BBS9: variants seen among roughly 807,000 people sequenced by gnomAD.
BBS9 encodes the protein Bardet-Biedl syndrome 9.
BBS9 carries 89 observed loss-of-function variants against 117.7 expected under a neutral mutation model. The observed-to-expected ratio is 0.76, with a 90% CI of 0.64 to 0.90. The LOEUF is 0.90. Ranked by LOEUF, BBS9 falls within the 40% of genes least tolerant of loss-of-function variation. The pLI is 0.00. For missense variants in BBS9, 982 were observed against 1,042.2 expected (o/e 0.94, Z 0.80); for synonymous variants, 379 against 370.9 (o/e 1.02, Z -0.25).
At chr7:33,536,698 T>TTCCCCCCGCCCCCCGCCTC (rs1563323435) in intron 21 of BBS9, among the ~76,000 whole-genome samples, 1 of 40,690 alleles carries the variant, frequency 2.5e-5, no homozygotes, top group Non-Finnish European at 5.0e-5. Context: ...GCCCCCCGCC[T>TTCCCCCCGCCCCCCGCCTC]CCCCCCACCC....
At chr7:33,254,659 T>C (rs6973552) in intron 5 of BBS9, among the ~76,000 whole-genome samples, 17,253 of 152,184 alleles carry the variant, frequency 0.11, 1,151 homozygotes, top group African/African-American at 0.18. Flanking sequence ...AATATTTCCT[T>C]GCTTTCCCCA....
At chr7:33,271,063 T>G (rs887159683) in intron 7 of BBS9, among the ~76,000 whole-genome samples, 3 of 152,188 alleles carry the variant, frequency 2.0e-5, no homozygotes, top group African/African-American at 4.8e-5. Context: ...GTATTCAATA[T>G]TCATAAAGAA....
intron 19 of BBS9, among the ~76,000 whole-genome samples, chr7:33,471,689 C>T (rs1009326176): frequency 3.4e-4 from 52 of 152,320 alleles, no homozygotes; most frequent in African/African-American, 1.2e-3. Flanking sequence ...CCAACAGCCA[C>T]GCTGGAGACT....
chr7:33,612,763 G>T (rs1562531264), intron 21 of BBS9, among the ~76,000 whole-genome samples: 1 of 151,918 alleles, frequency 6.6e-6, no homozygotes, highest in Admixed American at 6.6e-5. Flanking sequence ...ACTCATCTCT[G>T]TCTGGTCAGG....
chr7:33,488,787 G>T (rs1843464452), intron 19 of BBS9, among the ~76,000 whole-genome samples: 1 of 152,062 alleles, frequency 6.6e-6, no homozygotes, highest in African/African-American at 2.4e-5. Flanking sequence ...TTCTGATTCT[G>T]TGATTGCAAA....
chr7:33,346,753 A>T (rs575711422), intron 12 of BBS9, among the ~76,000 whole-genome samples: 17 of 152,336 alleles, frequency 1.1e-4, no homozygotes, highest in African/African-American at 3.8e-4. Flanking sequence ...GTTACAATGT[A>T]AAATTCTGTG....
At chr7:33,530,828 TG>T (rs1450703693) in intron 20 of BBS9, among the ~76,000 whole-genome samples, 1 of 152,186 alleles carries the variant, frequency 6.6e-6, no homozygotes, top group African/African-American at 2.4e-5. Context: ...ACTTGCCTAG[TG>T]ACACCTACAG....
At chr7:33,255,215 C>A (rs1251785377) in intron 5 of BBS9, among the ~76,000 whole-genome samples, 2 of 152,088 alleles carry the variant, frequency 1.3e-5, no homozygotes, top group Non-Finnish European at 2.9e-5. Flanking sequence ...TCCAAAAAAT[C>A]ATTGCCAATA....
intron 21 of BBS9, among the ~76,000 whole-genome samples, chr7:33,575,522 A>G (rs886788881): frequency 2.0e-5 from 3 of 152,172 alleles, no homozygotes; most frequent in Non-Finnish European, 4.4e-5. Context: ...TATTCCAATC[A>G]ATAGAAAAAG....
At chr7:33,292,505 G>A (rs1234545314) in intron 9 of BBS9, among the ~76,000 whole-genome samples, 1 of 152,086 alleles carries the variant, frequency 6.6e-6, no homozygotes, top group Non-Finnish European at 1.5e-5. Flanking sequence ...GGGATTACAG[G>A]CATGACCCAC....
At position 33,468,466 on chromosome 7, in the gene BBS9, T is replaced by C. The variant is rs376596073; in HGVS notation, c.2116-36997T>C. Among the ~76,000 whole-genome samples the C allele has an allele frequency of 3.3e-4, 50 of 152,328 alleles. No individual in the cohort carries two copies. The East Asian group carries it at 9.1e-3, about 28-fold the overall frequency. On this transcript the variant is annotated intron_variant, in intron 19 of 22. Transcript: ENST00000242067. ...TTGATACATGTATACAATGTATTAA[T>C]GATCAAACCAGGGTAATTGGGGTAT...
chr7:33,137,131 G>A (rs1374621854), intron 1 of BBS9, among the ~76,000 whole-genome samples: 2 of 152,132 alleles, frequency 1.3e-5, no homozygotes, highest in Non-Finnish European at 2.9e-5. Context: ...GGTGCCCAGA[G>A]TCCGGAGGGG....
At chr7:33,400,347 G>T (rs1422711696) in intron 19 of BBS9, among the ~76,000 whole-genome samples, 1 of 152,080 alleles carries the variant, frequency 6.6e-6, no homozygotes, top group African/African-American at 2.4e-5. Flanking sequence ...TTGTGTCAGT[G>T]ATGACAGAAA....
At chr7:33,519,448 TTA>T (rs1848288662) in intron 20 of BBS9, among the ~76,000 whole-genome samples, 1 of 152,206 alleles carries the variant, frequency 6.6e-6, no homozygotes, top group South Asian at 2.1e-4. Context: ...CTGACCATTG[TTA>T]TGTTTTCGAG....
chr7:33,383,815 G>T lies in BBS9; in HGVS notation c.1939G>T (p.Glu647Ter). Residue 647 changes from glutamate (E) to a stop codon, truncating the protein, a stop_gained, in exon 18 of 23, where the codon GAG (glutamate) becomes TAG (stop). Coordinates refer to ENST00000242067, the MANE Select transcript of BBS9 (RefSeq NM_198428.3). LOFTEE classifies it high-confidence loss of function. The stretch of plus-strand genomic sequence containing the variant: ...ATCTATACCCCTTCAAGAATATTTT[G>T]AGTTGATTGATCATCATTTTGAGGT... ...SGSIPLQEYF[E>*]LIDHHFELRI... The T allele has an allele frequency of 1.2e-6, 2 of 1,612,144 alleles. No homozygotes were observed. Among genetic ancestry groups the T allele is most frequent in the South Asian group, 1.1e-5 (1 of 90,922 alleles).
chr7:33,225,695 G>A (rs958351491), intron 5 of BBS9, among the ~76,000 whole-genome samples: 3 of 128,134 alleles, frequency 2.3e-5, no homozygotes, highest in Non-Finnish European at 4.8e-5. Flanking sequence ...TAAGGAGCTT[G>A]GTTCTTTTTT....
At chr7:33,267,577 C>T (rs1314287690) in intron 7 of BBS9, among the ~76,000 whole-genome samples, 1 of 151,908 alleles carries the variant, frequency 6.6e-6, no homozygotes, top group Non-Finnish European at 1.5e-5. Flanking sequence ...TTTGACTTAA[C>T]ACAGTCTACC....
In BBS9 at chr7:33,186,186, G is replaced by A. The variant is rs148724482; in HGVS notation, c.442+8595G>A. ...TATAAGGGGATCGTGATTAAAATGC[G>A]GATTCTTGTAAGTCTGAAATTGGAC... On this transcript the variant is annotated intron_variant, in intron 5 of 22. Coordinates refer to ENST00000242067, the MANE Select transcript of BBS9 (RefSeq NM_198428.3). Among the ~76,000 whole-genome samples the A allele has an allele frequency of 7.6e-3, 1,152 of 152,230 alleles. 17 individuals are homozygous for A. Among genetic ancestry groups the A allele is most frequent in the African/African-American group, 0.027 (1,115 of 41,516 alleles).
chr7:33,613,811 C>T (rs577616590), intron 21 of BBS9, among the ~76,000 whole-genome samples: 6 of 151,970 alleles, frequency 3.9e-5, no homozygotes, highest in Admixed American at 1.3e-4. Context: ...GTCCCCAGTC[C>T]GGGGTTCATT....
Sources: allele counts gnomAD v4.1 joint callset (sites outside exome capture counted in the v4.1 genomes callset), GRCh38; gene constraint gnomAD v4.1.1; transcripts MANE v1.5; gene names NCBI Gene and HGNC (gene_info 2026-07-23, HGNC 2026-07-21).